The following ROBO1 variants were observed in gnomAD, a reference collection of about 807,000 sequenced individuals.
ROBO1 encodes roundabout guidance receptor 1.
Under a neutral mutation model 195.9 loss-of-function variants are expected in ROBO1, and 149 were observed. The ratio of observed to expected loss-of-function variants is 0.76; its 90% confidence interval spans 0.67 to 0.87. The LOEUF is 0.87. ROBO1 is among the 40% of genes least tolerant of loss of function. ROBO1 has a pLI of 0.00. For missense variants in ROBO1, 1,933 were observed against 2,068.3 expected (o/e 0.93, Z 1.27); for synonymous variants, 816 against 733.2 (o/e 1.11, Z -1.82).
chr3:79,136,740 G>A (rs1484164587), intron 2 of ROBO1, among the ~76,000 whole-genome samples: 1 of 151,910 alleles, frequency 6.6e-6, no homozygotes, highest in East Asian at 1.9e-4. Flanking sequence ...ATCATGTATG[G>A]CCCAAATAAT....
intron 2 of ROBO1, among the ~76,000 whole-genome samples, chr3:79,255,472 T>A (rs1345940370): frequency 6.6e-6 from 1 of 152,172 alleles, no homozygotes; most frequent in Non-Finnish European, 1.5e-5. Flanking sequence ...TTCTTGTAGG[T>A]GATTTTACTG....
intron 2 of ROBO1, among the ~76,000 whole-genome samples, chr3:79,326,295 T>A (rs2034210503): frequency 6.6e-6 from 1 of 152,126 alleles, no homozygotes; most frequent in South Asian, 2.1e-4. Context: ...ACCCACACCC[T>A]GTTCGTACAC....
intron 1 of ROBO1, among the ~76,000 whole-genome samples, chr3:79,718,435 A>C (rs1333023589): frequency 1.3e-5 from 2 of 151,978 alleles, no homozygotes; most frequent in East Asian, 3.9e-4. Flanking sequence ...AAATTGTGCC[A>C]GGGGATAAAT....
At chr3:79,596,073 C>A (rs1944160478) in intron 1 of ROBO1, among the ~76,000 whole-genome samples, 1 of 151,930 alleles carries the variant, frequency 6.6e-6, no homozygotes, top group Non-Finnish European at 1.5e-5. Flanking sequence ...CCAAATAGGA[C>A]TATAGTCATA....
chr3:79,166,107 A>G (rs1431480393), intron 2 of ROBO1, among the ~76,000 whole-genome samples: 3 of 152,094 alleles, frequency 2.0e-5, no homozygotes, highest in African/African-American at 7.2e-5. Context: ...GGTCTCTACT[A>G]TTGCAATGTG....
intron 3 of ROBO1, chr3:79,018,989 C>A: frequency 1.0e-6 from 1 of 989,788 alleles, no homozygotes; most frequent in Non-Finnish European, 1.2e-6. Context: ...AGCAGCAGCT[C>A]CGGAGGAAGG....
At chr3:79,569,644 TATGTG>T (rs1305600519) in intron 2 of ROBO1, among the ~76,000 whole-genome samples, 2 of 112,850 alleles carry the variant, frequency 1.8e-5, no homozygotes, top group Non-Finnish European at 3.5e-5. Context: ...TATGTATAGA[TATGTG>T]TGTGTGTGTG....
intron 2 of ROBO1, among the ~76,000 whole-genome samples, chr3:79,203,558 T>C (rs2081808418): frequency 6.6e-6 from 1 of 152,206 alleles, no homozygotes; most frequent in Non-Finnish European, 1.5e-5. Flanking sequence ...GAACTTAGGT[T>C]AATGTTCCCA....
rs970308073 is a variant in ROBO1 at position 79,036,851 on chromosome 3, C to T, written c.172+88605G>A. On this transcript the variant is annotated intron_variant, in intron 3 of 30. Coordinates refer to ENST00000464233, the MANE Select transcript of ROBO1 (RefSeq NM_002941.4). ...AAGTTGAACACACAAGGGGTGAAAA[C>T]TTTTCAGTGATTAAAAAGTCCTGTG... Among the ~76,000 whole-genome samples the T allele has an allele frequency of 6.6e-5, 10 of 152,182 alleles. No individual in the cohort carries two copies. In the East Asian group the frequency reaches 7.8e-4, roughly 12 times the overall value.
chr3:79,318,709 T>C (rs754942655), intron 2 of ROBO1, among the ~76,000 whole-genome samples: 1 of 152,190 alleles, frequency 6.6e-6, no homozygotes, highest in Non-Finnish European at 1.5e-5. Flanking sequence ...TTGTTTTATC[T>C]AGGGTCATCT....
At chr3:78,641,107 C>CGTTTGTTT (rs139704297) in intron 21 of ROBO1, among the ~76,000 whole-genome samples, 68 of 151,748 alleles carry the variant, frequency 4.5e-4, no homozygotes, top group African/African-American at 1.5e-3. Flanking sequence ...GGCATTGTTC[C>CGTTTGTTT]GTTTGTTTGT....
chr3:79,396,175 A>G (rs979404538), intron 2 of ROBO1, among the ~76,000 whole-genome samples: 4 of 152,176 alleles, frequency 2.6e-5, no homozygotes, highest in African/African-American at 9.6e-5. Flanking sequence ...ACCAAGGAAC[A>G]GCAGTATGGT....
chr3:78,895,598 C>T (rs375102992), intron 4 of ROBO1, among the ~76,000 whole-genome samples: 1 of 152,256 alleles, frequency 6.6e-6, no homozygotes, highest in Admixed American at 6.5e-5. Context: ...CAAACATAAA[C>T]ATAGTAGTTT....
chr3:78,708,183 A>T (rs2081597807), intron 8 of ROBO1, among the ~76,000 whole-genome samples: 1 of 152,198 alleles, frequency 6.6e-6, no homozygotes, highest in Non-Finnish European at 1.5e-5. Flanking sequence ...GAAGCAAGGA[A>T]TCACAAGAAA....
chr3:78,645,664 C>G (rs538876729), intron 21 of ROBO1, among the ~76,000 whole-genome samples: 1 of 151,984 alleles, frequency 6.6e-6, no homozygotes, highest in South Asian at 2.1e-4. Context: ...AACAAGTTAC[C>G]CAGATTTCCT....
At chr3:79,567,685 A>G (rs1457908473) in intron 2 of ROBO1, among the ~76,000 whole-genome samples, 1 of 152,116 alleles carries the variant, frequency 6.6e-6, no homozygotes, top group African/African-American at 2.4e-5. Flanking sequence ...ATTCCCTTTA[A>G]ATATGAGTGC....
At chr3:78,645,034 C>T (rs886088963) in intron 21 of ROBO1, among the ~76,000 whole-genome samples, 1 of 152,092 alleles carries the variant, frequency 6.6e-6, no homozygotes, top group Non-Finnish European at 1.5e-5. Flanking sequence ...CACAAACATG[C>T]CCTGGTTTAA....
chr3:79,588,965 A>G (rs546084335), intron 2 of ROBO1, among the ~76,000 whole-genome samples: 74 of 151,876 alleles, frequency 4.9e-4, no homozygotes, highest in African/African-American at 1.7e-3. Context: ...GTGGATGAAC[A>G]TGACAAGTTA....
At chr3:78,707,715 T>G (rs182374617) in intron 8 of ROBO1, among the ~76,000 whole-genome samples, 116 of 152,284 alleles carry the variant, frequency 7.6e-4, no homozygotes, top group Middle Eastern at 3.4e-3. Flanking sequence ...ACCTGCCTTT[T>G]CTTTGAACAG....
Sources: allele counts gnomAD v4.1 joint callset (sites outside exome capture counted in the v4.1 genomes callset), GRCh38; gene constraint gnomAD v4.1.1; transcripts MANE v1.5; gene names NCBI Gene and HGNC (gene_info 2026-07-23, HGNC 2026-07-21).